The following SEMA3A variants were observed in gnomAD, a reference collection of about 807,000 sequenced individuals.
SEMA3A encodes semaphorin-3A.
In SEMA3A, 29 loss-of-function variants were observed where a neutral mutation model predicts 97.9. The ratio of observed to expected loss-of-function variants is 0.30; its 90% CI spans 0.22 to 0.40. The LOEUF is 0.40. SEMA3A is among the 10% of genes least tolerant of loss of function. The pLI, the probability that SEMA3A is intolerant of heterozygous loss-of-function variation, is 1.00. For synonymous variants in SEMA3A, 321 were observed against 323.7 expected (o/e 0.99, Z 0.09); for missense variants, 763 against 951.3 (o/e 0.80, Z 2.60).
At chr7:84,096,995 G>A (rs564758147) in intron 4 of SEMA3A, among the ~76,000 whole-genome samples, 3 of 152,168 alleles carry the variant, frequency 2.0e-5, no homozygotes, top group South Asian at 2.1e-4. Context: ...GTAGTACCTA[G>A]GAATGCTATC....
chr7:84,093,171 C>A (rs3801618), intron 4 of SEMA3A, among the ~76,000 whole-genome samples: 62,407 of 151,520 alleles, frequency 0.41, 14,647 homozygotes, highest in Admixed American at 0.52. Context: ...CACCATGTAA[C>A]TTTTTGCACA....
chr7:84,424,591 A>G (rs1804712179), intron 1 of SEMA3A, among the ~76,000 whole-genome samples: 1 of 75,120 alleles, frequency 1.3e-5, no homozygotes, highest in Non-Finnish European at 2.1e-5. Context: ...TATTATATAT[A>G]ATATATAAAT....
At chr7:84,422,123 TCGGCTGTGAATCCGTCTGGTCCTG>T (rs1804612558) in intron 1 of SEMA3A, among the ~76,000 whole-genome samples, 4 of 152,098 alleles carry the variant, frequency 2.6e-5, no homozygotes, top group Non-Finnish European at 5.9e-5. Flanking sequence ...CTGGTAGAAT[TCGGCTGTGAATCCGTCTGGTCCTG>T]GGCTTTTTTT....
chr7:84,454,974 A>G (rs146364159), intron 1 of SEMA3A, among the ~76,000 whole-genome samples: 1,966 of 152,140 alleles, frequency 0.013, 32 homozygotes, highest in South Asian at 0.042. Context: ...GACAAATACA[A>G]TAAAAATGAA....
At chr7:84,386,174 C>G (rs2116157916) in intron 1 of SEMA3A, among the ~76,000 whole-genome samples, 1 of 152,268 alleles carries the variant, frequency 6.6e-6, no homozygotes, top group African/African-American at 2.4e-5. Flanking sequence ...ACTTCTGGTA[C>G]TAATTTCTAC....
At chr7:84,040,276 T>C (rs1792089876) in intron 6 of SEMA3A, among the ~76,000 whole-genome samples, 1 of 149,080 alleles carries the variant, frequency 6.7e-6, no homozygotes, top group African/African-American at 2.5e-5. Context: ...TTCAATGGCA[T>C]TGCTTCCCAT....
At chr7:84,431,665 A>C (rs981827982) in intron 1 of SEMA3A, among the ~76,000 whole-genome samples, 2 of 152,030 alleles carry the variant, frequency 1.3e-5, no homozygotes, top group African/African-American at 4.8e-5. Context: ...AACATTTAAA[A>C]AAATAATTTG....
intron 3 of SEMA3A, among the ~76,000 whole-genome samples, chr7:84,299,297 TATATATATCTCC>T (rs869238862): frequency 0.17 from 18,827 of 113,814 alleles, 1,538 homozygotes; most frequent in Middle Eastern, 0.24. Flanking sequence ...TCTATCTCCA[TATATATATCTCC>T]ATATATATAT....
intron 1 of SEMA3A, among the ~76,000 whole-genome samples, chr7:84,375,758 GTGT>G (rs1252213517): frequency 1.3e-5 from 2 of 152,074 alleles, no homozygotes; most frequent in African/African-American, 4.8e-5. Context: ...AGTCACTATA[GTGT>G]TGTTAACTAC....
intron 1 of SEMA3A, among the ~76,000 whole-genome samples, chr7:84,380,128 C>T (rs912811974): frequency 3.3e-5 from 5 of 151,984 alleles, no homozygotes; most frequent in Non-Finnish European, 7.4e-5. Context: ...TTATTTTCTG[C>T]AATATATTTT....
At chr7:84,232,485 A>T (rs1267539703) in intron 3 of SEMA3A, among the ~76,000 whole-genome samples, 1 of 151,346 alleles carries the variant, frequency 6.6e-6, no homozygotes, top group Non-Finnish European at 1.5e-5. Context: ...GTAAAGATAC[A>T]AAAGATTTAA....
intron 12 of SEMA3A, among the ~76,000 whole-genome samples, chr7:83,993,811 G>C (rs1204324569): frequency 2.3e-5 from 3 of 128,246 alleles, no homozygotes; most frequent in Non-Finnish European, 4.9e-5. Context: ...TGCTCTTCTC[G>C]AGGAGTATCT....
chr7:84,250,256 T>A lies in SEMA3A; in HGVS notation c.-82-55588A>T, dbSNP rs116482779. Among the ~76,000 whole-genome samples, 736 of 149,132 alleles carry A rather than the reference T, an allele frequency of 4.9e-3. 5 individuals are homozygous for A. Among genetic ancestry groups the A allele is most frequent in the African/African-American group, 0.016 (636 of 40,196 alleles). On this transcript the variant is annotated intron_variant, in intron 3 of 3. Coordinates refer to the SEMA3A transcript ENST00000424555. ...ATTTACATTTTGGTTACATTAATAT[T>A]TTTTTTTTTCATCTGTGGTTTAAAA...
At chr7:84,318,361 C>T (rs1254412859) in intron 2 of SEMA3A, among the ~76,000 whole-genome samples, 3 of 116,772 alleles carry the variant, frequency 2.6e-5, no homozygotes, top group African/African-American at 9.9e-5. Flanking sequence ...CTCGCTCTGT[C>T]GCCCAGGATG....
intron 1 of SEMA3A, among the ~76,000 whole-genome samples, chr7:84,435,595 A>T (rs746081442): frequency 2.6e-5 from 4 of 152,142 alleles, no homozygotes; most frequent in Non-Finnish European, 4.4e-5. Context: ...CGACAGAGAG[A>T]AATTCTGTCA....
intron 1 of SEMA3A, among the ~76,000 whole-genome samples, chr7:84,146,137 C>A (rs893363199): frequency 1.3e-5 from 2 of 152,140 alleles, no homozygotes; most frequent in African/African-American, 4.8e-5. Flanking sequence ...AACACACAGT[C>A]ATAAATTAAT....
intron 13 of SEMA3A, among the ~76,000 whole-genome samples, chr7:83,983,707 T>C (rs2116325268): frequency 6.6e-6 from 1 of 152,264 alleles, no homozygotes; most frequent in African/African-American, 2.4e-5. Flanking sequence ...ATAATTATGC[T>C]ATCCAAATGA....
At chr7:84,404,914 C>T (rs530869186) in intron 1 of SEMA3A, among the ~76,000 whole-genome samples, 1 of 152,168 alleles carries the variant, frequency 6.6e-6, no homozygotes, top group East Asian at 1.9e-4. Flanking sequence ...TGGAAAGGAA[C>T]AACTGGTACC....
At chr7:84,280,654 C>T (rs2115740854) in intron 3 of SEMA3A, among the ~76,000 whole-genome samples, 1 of 151,984 alleles carries the variant, frequency 6.6e-6, no homozygotes, top group East Asian at 1.9e-4. Context: ...CATAGTGGTG[C>T]ACACCTGTAA....
Sources: allele counts gnomAD v4.1 joint callset (sites outside exome capture counted in the v4.1 genomes callset), GRCh38; gene constraint gnomAD v4.1.1; transcripts MANE v1.5; gene names NCBI Gene and HGNC (gene_info 2026-07-23, HGNC 2026-07-21).